RASGRF1: variants seen among roughly 807,000 people sequenced by gnomAD.
RASGRF1 encodes Ras protein specific guanine nucleotide releasing factor 1.
In RASGRF1, 40 loss-of-function variants were observed where a neutral mutation model predicts 138.7. That is an observed-to-expected ratio of 0.29 (90% CI 0.22 to 0.38). RASGRF1 has a LOEUF of 0.38. Ranked by LOEUF, RASGRF1 falls within the 10% of genes least tolerant of loss-of-function variation. RASGRF1 has a pLI of 1.00. For missense variants in RASGRF1, 1,108 were observed against 1,650.4 expected, an observed-to-expected ratio of 0.67 and a Z score of 5.69; for synonymous variants, 614 against 663.2, an observed-to-expected ratio of 0.93 and a Z score of 1.14.
At chr15:79,010,120 C>A (rs535662465) in intron 13 of RASGRF1, among the ~76,000 whole-genome samples, 15 of 149,964 alleles carry the variant, frequency 1.0e-4, no homozygotes, top group African/African-American at 3.4e-4. Flanking sequence ...CTCATGGCAA[C>A]CTCCACCTCG....
rs201331871 is a variant in RASGRF1, at chr15:79,020,139, G to C, written c.1543-35C>G. The C allele has an allele frequency of 6.9e-6, 11 of 1,604,676 alleles. No homozygotes were observed. The African/African-American group carries it at 1.5e-4, about 21-fold the overall frequency. On this transcript the variant is annotated intron_variant, in intron 10 of 26. Transcript: ENST00000558480. ...AGCAGCAGGGGCTGCTTTGGATTGA[G>C]GGGTAGATATGCTGGTTTAGGAGTC...
chr15:79,017,856 C>G lies in RASGRF1; in HGVS notation c.1657G>C (p.Glu553Gln). 1.2e-6 allele frequency: 2 copies of G among 1,613,790 alleles called. No individual in the cohort carries two copies. The highest frequency in any genetic ancestry group is 2.2e-5 in the South Asian group (2 of 90,994). ...IDHLDFKIGVEPKDSPPFTVI... is the reference protein window; with the variant it reads ...IDHLDFKIGVQPKDSPPFTVI... ...GTAAAGGGCGGGGAATCCTTTGGCT[C>G]CACCCCGATTTTAAAATCCAAGTGA... The change falls in exon 12 of 27, where the codon GAG (glutamate) becomes CAG (glutamine). Residue 553 changes from glutamate to glutamine, a missense_variant. Around this residue, in one of 3 missense-constraint regions of RASGRF1, gnomAD observed 686 missense variants for 976.7 expected, o/e 0.70. Transcript: ENST00000558480.
intron 1 of RASGRF1, among the ~76,000 whole-genome samples, chr15:79,069,577 G>A (rs1276682439): frequency 6.6e-6 from 1 of 152,220 alleles, no homozygotes; most frequent in African/African-American, 2.4e-5. Context: ...TGGAGGGACT[G>A]GGCAGATTTC....
At position 78,986,637 on chromosome 15, in the gene RASGRF1, G is replaced by A. The variant is rs181640607; in HGVS notation, c.3217-1433C>T. Reference sequence around the variant, plus strand: ...GTTGGGATTACAGGTGTGAGCCACCGCGCCCGGCCTTTGTGACTGTTTAAT... The same window carrying A: ...GTTGGGATTACAGGTGTGAGCCACCACGCCCGGCCTTTGTGACTGTTTAAT... On this transcript the variant is annotated intron_variant, in intron 22 of 26. Coordinates refer to ENST00000558480, the MANE Select transcript of RASGRF1 (RefSeq NM_001145648.3). Among the ~76,000 whole-genome samples, 45 of 152,126 alleles carry A rather than the reference G, an allele frequency of 3.0e-4. No homozygotes were observed. The East Asian group carries it at 5.4e-3, about 18-fold the overall frequency.
In RASGRF1 at chr15:78,985,046, G is replaced by T. The variant is rs1358720286; in HGVS notation, c.3375C>A (p.Ile1125=). The part of the protein sequence containing the change: ...EITSSMNRSA[I]FRLKKTWLKV... ...TGAGCCACGTCTTTTTGAGCCGGAA[G>T]ATTGCACTGCGGTTCATGGACGAGG... The change falls in exon 23 of 27, where the codon ATC becomes ATA. Residue 1125 remains isoleucine, a synonymous_variant. Transcript: ENST00000558480. 18 of 1,614,038 alleles carry T rather than the reference G, an allele frequency of 1.1e-5. No homozygotes were observed. The highest frequency in any genetic ancestry group is 1.4e-5 in the Non-Finnish European group (17 of 1,180,044).
rs1011809089 is a variant in RASGRF1, at chr15:78,987,156, C to T, written c.3217-1952G>A. On this transcript the variant is annotated intron_variant, in intron 22 of 26. Coordinates refer to ENST00000558480, the MANE Select transcript of RASGRF1 (RefSeq NM_001145648.3). The stretch of plus-strand genomic sequence containing the variant: ...ATACCATGACCACATTGGGTTTGTC[C>T]CTGGAATGCAAGGATGATTGAATAT... Among the ~76,000 whole-genome samples the T allele has an allele frequency of 4.6e-5, 7 of 152,072 alleles. No individual in the cohort carries two copies. The East Asian group carries it at 7.7e-4, about 17-fold the overall frequency.
chr15:79,043,574 G>C (rs901419978), intron 5 of RASGRF1, among the ~76,000 whole-genome samples: 1 of 152,150 alleles, frequency 6.6e-6, no homozygotes, highest in Non-Finnish European at 1.5e-5. Context: ...GAATTCACCA[G>C]GCTGCTGCTA....
chr15:79,024,548 T>C (rs896474427), intron 10 of RASGRF1, among the ~76,000 whole-genome samples: 3 of 152,184 alleles, frequency 2.0e-5, no homozygotes, highest in African/African-American at 7.2e-5. Context: ...CCATGTGTCA[T>C]GGGAGGGACC....
chr15:79,072,345 A>G (rs2057772178), intron 1 of RASGRF1, among the ~76,000 whole-genome samples: 1 of 124,704 alleles, frequency 8.0e-6, no homozygotes, highest in African/African-American at 3.0e-5. Context: ...GCATGATCTT[A>G]GCTCACTGCA....
At chr15:78,979,511 A>G (rs1424253100) in intron 24 of RASGRF1, among the ~76,000 whole-genome samples, 1 of 152,184 alleles carries the variant, frequency 6.6e-6, no homozygotes, top group African/African-American at 2.4e-5. Flanking sequence ...GGTCTCTCCA[A>G]GGTCTGGCGA....
Position 79,027,150 on chromosome 15 carries a change from A to C in RASGRF1, c.1381+591T>G, listed in dbSNP as rs927558460. Among the ~76,000 whole-genome samples, 1 of 152,188 alleles carries C rather than the reference A, an allele frequency of 6.6e-6. No individual in the cohort carries two copies. Among genetic ancestry groups the C allele is most frequent in the African/African-American group, 2.4e-5 (1 of 41,436 alleles). The stretch of plus-strand genomic sequence containing the variant: ...ATGTGATGAATTTCAAATGCATTGC[A>C]GTTCTGATGTCAGTCCCCTGAGCCA... On this transcript the variant is annotated intron_variant, in intron 9 of 26. Coordinates refer to ENST00000558480, the MANE Select transcript of RASGRF1 (RefSeq NM_001145648.3). The surrounding 1 kb of genome is among the most constrained non-coding windows in gnomAD (Gnocchi z 4.8).
intron 11 of RASGRF1, among the ~76,000 whole-genome samples, chr15:79,019,135 A>G (rs2056923146): frequency 6.6e-6 from 1 of 152,018 alleles, no homozygotes; most frequent in African/African-American, 2.4e-5. Flanking sequence ...TCCCCATGCC[A>G]TGCTGGGCCT....
Position 79,004,647 on chromosome 15 carries a change from C to T in RASGRF1, c.2076-472G>A, listed in dbSNP as rs2141717062. 10 of 987,390 alleles carry T rather than the reference C, an allele frequency of 1.0e-5. No individual in the cohort carries two copies. The South Asian group carries it at 4.7e-4, about 46-fold the overall frequency. The allele number at this position is 987,390 out of a possible 1,614,324, so 61.2% of individuals were successfully genotyped here. A position where few individuals can be genotyped will look rare whatever the true frequency, so the allele number is the denominator to read the frequency against. ...CCTACTCTAAACGCAGGGTCCTTTC[C>T]ACCTGCTTTGGGGCTTGAGCGGCCC... is the stretch of plus-strand genomic sequence containing the variant. On this transcript the variant is annotated intron_variant, in intron 14 of 26. Transcript: ENST00000558480.
intron 22 of RASGRF1, among the ~76,000 whole-genome samples, chr15:78,988,270 A>G (rs1459708792): frequency 6.6e-6 from 1 of 152,170 alleles, no homozygotes; most frequent in Non-Finnish European, 1.5e-5. Context: ...TGGGGTGAAC[A>G]CTCAGTGAAT....
chr15:78,974,314 T>C (rs1441500461), intron 24 of RASGRF1, among the ~76,000 whole-genome samples: 1 of 152,172 alleles, frequency 6.6e-6, no homozygotes, highest in African/African-American at 2.4e-5. Context: ...TGCGGTGGCA[T>C]CATCGAGCAC....
chr15:78,964,323 C>T (rs1388384759), intron 26 of RASGRF1, among the ~76,000 whole-genome samples: 3 of 151,860 alleles, frequency 2.0e-5, no homozygotes, highest in Admixed American at 6.6e-5. Flanking sequence ...TACAGGCATG[C>T]GTCACCATGC....
intron 1 of RASGRF1, among the ~76,000 whole-genome samples, chr15:79,083,465 C>A (rs1481290709): frequency 6.6e-6 from 1 of 152,214 alleles, no homozygotes; most frequent in East Asian, 1.9e-4. Context: ...GGTGTGGATG[C>A]CTGCCTTGGT....
chr15:79,059,971 CACACACACACAGACACACAG>C (rs1388404426), intron 2 of RASGRF1, among the ~76,000 whole-genome samples: 3,464 of 16,008 alleles, frequency 0.22, 85 homozygotes, highest in African/African-American at 0.36. Context: ...CACTCACACA[CACACACACACAGACACACAG>C]ACACACACAC....
In RASGRF1 at chr15:79,057,254, C is replaced by T. The variant is rs894911984; in HGVS notation, c.531+1080G>A. Among the ~76,000 whole-genome samples, 41 of 152,232 alleles carry T rather than the reference C, an allele frequency of 2.7e-4. 1 individual carries two copies. Among genetic ancestry groups the T allele is most frequent in the African/African-American group, 9.6e-4 (40 of 41,468 alleles). On this transcript the variant is annotated intron_variant, in intron 3 of 26. Transcript: ENST00000558480. ...AGGCTGGCAGTGCCAGGGTGCATTA[C>T]GTGGGTGACTCAGAAGGAGCTCCTT...
Sources: gnomAD v4.1 joint callset for allele counts (sites outside exome capture counted in the v4.1 genomes callset) on GRCh38, gnomAD v4.1.1 for gene constraint, gnomAD v4.1.1 regional missense constraint, Gnocchi (gnomAD v3.1) non-coding constraint, MANE v1.5 for transcripts, NCBI Gene and HGNC (gene_info 2026-07-23, HGNC 2026-07-21) for gene names.